Variants in SDK1 observed in about 807,000 individuals in gnomAD.
SDK1 encodes sidekick cell adhesion molecule 1.
Under a neutral mutation model 245.5 loss-of-function variants are expected in SDK1, and 157 were observed. The observed-to-expected ratio is 0.64, with a 90% CI of 0.56 to 0.73. The LOEUF (loss-of-function observed/expected upper bound fraction) is 0.73, where lower values mean the gene tolerates loss of function less well. SDK1 is among the 30% of genes least tolerant of loss of function. The pLI is 0.00. For synonymous variants in SDK1, 1,647 were observed against 1,278.5 expected, an observed-to-expected ratio of 1.29 and a Z score of -6.15; for missense variants, 3,583 against 3,002.3, an observed-to-expected ratio of 1.19 and a Z score of -4.52.
At chr7:3,384,335 A>C (rs183988725) in intron 1 of SDK1, among the ~76,000 whole-genome samples, 1 of 152,218 alleles carries the variant, frequency 6.6e-6, no homozygotes, top group East Asian at 1.9e-4. Context: ...TAAAACTTTG[A>C]TTTTTAATAA....
intron 5 of SDK1, among the ~76,000 whole-genome samples, chr7:3,918,547 C>T (rs1779468847): frequency 6.6e-6 from 1 of 152,176 alleles, no homozygotes; most frequent in Non-Finnish European, 1.5e-5. Context: ...CCCACTGATT[C>T]TACGTGATGG....
At chr7:3,610,856 C>CT (rs1218795547) in intron 1 of SDK1, among the ~76,000 whole-genome samples, 3 of 152,358 alleles carry the variant, frequency 2.0e-5, no homozygotes, top group East Asian at 3.9e-4. Flanking sequence ...CCTGCTTTCT[C>CT]TGTTTTCACA....
Position 3,616,599 on chromosome 7 carries a change from C to T in SDK1, c.299-2481C>T, listed in dbSNP as rs1362274130. The stretch of plus-strand genomic sequence containing the variant: ...TCTCCTACTGTAAGTTCTTGCCGTA[C>T]TCATAGATGCAATTTAATATTTATT... On this transcript the variant is annotated intron_variant, in intron 1 of 44. Transcript: ENST00000404826. 8.5e-5 allele frequency among the ~76,000 whole-genome samples: 13 copies of T among 152,184 alleles called. No individual in the cohort carries two copies. In the East Asian group the frequency reaches 2.5e-3, roughly 29 times the overall value.
chr7:4,198,680 G>A (rs1056287643), intron 35 of SDK1, among the ~76,000 whole-genome samples: 21 of 152,148 alleles, frequency 1.4e-4, no homozygotes, highest in African/African-American at 5.1e-4. Context: ...ACCTAAAGTT[G>A]TGCGACTCCC....
chr7:4,099,950 G>A (rs770219735), intron 22 of SDK1, among the ~76,000 whole-genome samples: 2 of 152,092 alleles, frequency 1.3e-5, no homozygotes, highest in Non-Finnish European at 2.9e-5. Context: ...GCCCTTTAGG[G>A]TGACCACTGT....
chr7:3,487,506 C>G (rs1445373021), intron 1 of SDK1, among the ~76,000 whole-genome samples: 1 of 151,892 alleles, frequency 6.6e-6, no homozygotes, highest in African/African-American at 2.4e-5. Flanking sequence ...CTTTAGGAGG[C>G]CAAGGTAAAC....
At position 4,266,731 on chromosome 7, in the gene SDK1, C is replaced by G. The variant is rs1788493943; in HGVS notation, c.*1347C>G. The G allele has an allele frequency of 8.1e-6, 8 of 985,386 alleles. No homozygotes were observed. In the South Asian group the frequency reaches 3.8e-4, roughly 46 times the overall value. The allele number at this position is 985,386 out of a possible 1,614,324, so 61.0% of individuals were successfully genotyped here. A position where few individuals can be genotyped will look rare whatever the true frequency, so the allele number is the denominator to read the frequency against. On this transcript the variant is annotated 3_prime_UTR_variant, in exon 45 of 45. Coordinates refer to ENST00000404826, the MANE Select transcript of SDK1 (RefSeq NM_152744.4). ...ACGACTGGGCTGCCATGGTCCACCC[C>G]TCAGCCCGGGTCCCGGGTCTGGATG... is the stretch of plus-strand genomic sequence containing the variant.
At chr7:4,240,804 C>G (rs1786470312) in intron 42 of SDK1, among the ~76,000 whole-genome samples, 1 of 152,072 alleles carries the variant, frequency 6.6e-6, no homozygotes. Flanking sequence ...GGCGTTTGAG[C>G]TGTGATCTGC....
At chr7:3,344,309 A>G (rs1780435605) in intron 1 of SDK1, among the ~76,000 whole-genome samples, 1 of 152,234 alleles carries the variant, frequency 6.6e-6, no homozygotes. Context: ...GTAGCATCAA[A>G]TACGTTCACA....
chr7:3,783,158 C>G (rs1353154648), intron 4 of SDK1, among the ~76,000 whole-genome samples: 1 of 152,118 alleles, frequency 6.6e-6, no homozygotes, highest in African/African-American at 2.4e-5. Flanking sequence ...AAGCATTTGA[C>G]AAAAATTCAT....
At chr7:4,198,106 C>T (rs1211818971) in intron 35 of SDK1, among the ~76,000 whole-genome samples, 1 of 152,224 alleles carries the variant, frequency 6.6e-6, no homozygotes, top group Admixed American at 6.5e-5. Context: ...GTGAAGCCAG[C>T]CTGTGCCCTC....
chr7:3,771,877 G>C (rs1299083984), intron 4 of SDK1, among the ~76,000 whole-genome samples: 1 of 152,150 alleles, frequency 6.6e-6, no homozygotes, highest in Non-Finnish European at 1.5e-5. Flanking sequence ...TCATCTTGCA[G>C]AACTGAAATG....
At chr7:4,071,454 C>T (rs7793027) in intron 20 of SDK1, among the ~76,000 whole-genome samples, 1 of 152,162 alleles carries the variant, frequency 6.6e-6, no homozygotes, top group South Asian at 2.1e-4. Flanking sequence ...TAGAATTGGA[C>T]ACAATCTGTT....
At chr7:3,902,386 T>C (rs1053132766) in intron 5 of SDK1, among the ~76,000 whole-genome samples, 3 of 152,198 alleles carry the variant, frequency 2.0e-5, no homozygotes, top group Admixed American at 2.0e-4. Flanking sequence ...TCACACAAAA[T>C]TGTTTTTGGA....
intron 2 of SDK1, among the ~76,000 whole-genome samples, chr7:3,634,385 C>T (rs1782392942): frequency 6.6e-6 from 1 of 152,172 alleles, no homozygotes; most frequent in African/African-American, 2.4e-5. Context: ...CTCCTATTAG[C>T]AGAAATGGAC....
intron 4 of SDK1, among the ~76,000 whole-genome samples, chr7:3,717,959 T>A (rs963971955): frequency 6.0e-4 from 85 of 142,754 alleles, no homozygotes; most frequent in African/African-American, 1.7e-3. Context: ...AGACAGCATT[T>A]AAAAAAAAAA....
At position 3,913,803 on chromosome 7, in the gene SDK1, G is replaced by A. The variant is rs543022567; in HGVS notation, c.848-37120G>A. ...TTGGGGTAGACAGATGCTGACCCCT[G>A]ACAATTTCTCTTTGATTTTCCTCCA... On this transcript the variant is annotated intron_variant, in intron 5 of 44. Transcript: ENST00000404826. Among the ~76,000 whole-genome samples the A allele has an allele frequency of 4.6e-5, 7 of 152,242 alleles. No homozygotes were observed. The East Asian group carries it at 1.2e-3, about 25-fold the overall frequency.
chr7:4,155,426 G>A (rs917539418), intron 30 of SDK1, among the ~76,000 whole-genome samples: 13 of 152,202 alleles, frequency 8.5e-5, no homozygotes, highest in African/African-American at 2.4e-4. Context: ...GGCACACCAC[G>A]TGTGCCCGGC....
chr7:4,035,119 C>A (rs1258878059), intron 17 of SDK1, among the ~76,000 whole-genome samples: 1 of 152,052 alleles, frequency 6.6e-6, no homozygotes, highest in African/African-American at 2.4e-5. Flanking sequence ...GCTGGGATTA[C>A]AAGCACGTAC....
Sources: gnomAD v4.1 joint callset for allele counts (sites outside exome capture counted in the v4.1 genomes callset) on GRCh38, gnomAD v4.1.1 for gene constraint, MANE v1.5 for transcripts, NCBI Gene and HGNC (gene_info 2026-07-23, HGNC 2026-07-21) for gene names.